ATP1A4: variants seen among roughly 807,000 people sequenced by gnomAD.
The protein encoded by ATP1A4 is ATPase Na+/K+ transporting subunit alpha 4.
A neutral mutation model predicts 114.3 loss-of-function variants in ATP1A4; 90 were observed. The observed-to-expected ratio is 0.79, with a 90% CI of 0.66 to 0.94. ATP1A4 has a LOEUF of 0.94. Among genes scored for constraint, ATP1A4 ranks in the 40% least tolerant of loss-of-function variants. ATP1A4 has a pLI of 0.00. For synonymous variants in ATP1A4, 511 were observed against 494.1 expected (o/e 1.03, Z -0.45); for missense variants, 1,222 against 1,313.6 (o/e 0.93, Z 1.08).
In ATP1A4 at chr1:160,164,326, C is replaced by T. The variant is rs1056488834; in HGVS notation, c.949C>T (p.Leu317Phe). 25 of 1,614,016 alleles carry T rather than the reference C, an allele frequency of 1.5e-5. No homozygotes were observed. The highest frequency in any genetic ancestry group is 4.0e-5 in the African/African-American group (3 of 74,902). ...AVFLGVTFFA[L>F]SLLLGYGWLE... The stretch of plus-strand genomic sequence containing the variant: ...CTTCCTTGGTGTCACTTTTTTTGCG[C>T]TCTCACTTCTCTTGGGCTATGGTTG... The change falls in exon 7 of 22, where the codon CTC becomes TTC. Residue 317 changes from leucine (L) to phenylalanine (F), a missense_variant. Physicochemically the swap from Leu to Phe is conservative, Grantham distance 22. Coordinates refer to ENST00000368081, the MANE Select transcript of ATP1A4 (RefSeq NM_144699.4).
rs138222002 is a variant in ATP1A4 at position 160,181,761 on chromosome 1, G to A, written c.2814G>A (p.Ala938=). The part of the protein sequence containing the change: ...FFVTIVVVQW[A]DLIISKTRRN... ...TCACCATCGTGGTTGTGCAGTGGGC[G>A]GATCTCATCATCTCCAAGACTCGCC... The change falls in exon 19 of 22, where the codon GCG becomes GCA. Residue 938 remains alanine (A), a synonymous_variant. Coordinates refer to ENST00000368081, the MANE Select transcript of ATP1A4 (RefSeq NM_144699.4). 62 of 1,613,828 alleles carry A rather than the reference G, an allele frequency of 3.8e-5. No homozygotes were observed. The highest frequency in any genetic ancestry group is 1.6e-4 in the Middle Eastern group (1 of 6,084).
chr1:160,168,183 T>C (rs183183991), intron 10 of ATP1A4, among the ~76,000 whole-genome samples: 2 of 152,208 alleles, frequency 1.3e-5, no homozygotes, highest in East Asian at 1.9e-4. Context: ...GAGAAGGTTA[T>C]GGTAGGATGC....
At chr1:160,174,809 A>G (rs1406789162) in intron 15 of ATP1A4, 62 bp downstream of exon 15, 6 of 1,598,868 alleles carry the variant, frequency 3.8e-6, no homozygotes, top group Admixed American at 1.7e-5. Context: ...GGGTTGGTGT[A>G]CATCCCCTCT....
chr1:160,173,532 C>T (rs375950584), intron 12 of ATP1A4, 49 bp from the exon 13 acceptor site: 10 of 1,596,022 alleles, frequency 6.3e-6, no homozygotes, highest in East Asian at 2.3e-5. Context: ...ATGAAGGATC[C>T]GGGCTCTGAA....
rs74123264 is a variant in ATP1A4 at position 160,159,205 on chromosome 1, G to A, written c.660+69G>A. The A allele has an allele frequency of 7.1e-3, 11,027 of 1,542,872 alleles. 668 individuals are homozygous for A. The African/African-American group carries it at 0.13, about 19-fold the overall frequency. On this transcript the variant is annotated intron_variant, in intron 5 of 21. Transcript: ENST00000368081. The stretch of plus-strand genomic sequence containing the variant: ...TCATGGCAGGGTAGACACCTGGGCC[G>A]TTAGAGAAAGTATAAGCTTATTACT...
intron 15 of ATP1A4, among the ~76,000 whole-genome samples, chr1:160,175,743 A>C (rs1324037527): frequency 6.6e-6 from 1 of 152,136 alleles, no homozygotes; most frequent in African/African-American, 2.4e-5. Context: ...GGATTTGAAC[A>C]CAAGCCTGTC....
At chr1:160,171,169 C>A in intron 10 of ATP1A4, 82 bp from the exon 11 acceptor site, 1 of 1,302,756 alleles carries the variant, frequency 7.7e-7, no homozygotes, top group Non-Finnish European at 1.1e-6. Context: ...CATTTTTTTA[C>A]CTTTGAAACC....
intron 5 of ATP1A4, 104 bp from the exon 6 acceptor site, chr1:160,159,305 G>A (rs1462691505): frequency 1.5e-6 from 2 of 1,352,304 alleles, no homozygotes; most frequent in African/African-American, 2.9e-5. Context: ...CTCTCAGTCT[G>A]TCAGTGATGA....
chr1:160,159,098 C>A lies in ATP1A4; in HGVS notation c.622C>A (p.Pro208Thr). 1 of 1,613,966 alleles carries A rather than the reference C, an allele frequency of 6.2e-7. No homozygotes were observed. The highest frequency in any genetic ancestry group is 8.5e-7 in the Non-Finnish European group (1 of 1,179,956). The change falls in exon 5 of 22, where the codon CCT becomes ACT. Residue 208 changes from proline (P) to threonine (T), a missense_variant. Physicochemically the swap from Pro to Thr is conservative, Grantham distance 38. Transcript: ENST00000368081. ...LVEIKGGDRVPADLRLISAQG... is the reference protein window; with the variant it reads ...LVEIKGGDRVTADLRLISAQG... ...GGAAATCAAGGGTGGAGACCGAGTC[C>A]CTGCTGACCTCCGGCTTATCTCTGC...
chr1:160,173,572 C>T lies in ATP1A4; in HGVS notation c.1855-9C>T, dbSNP rs1443472785. On this transcript the variant is annotated splice_polypyrimidine_tract_variant and intron_variant, in intron 12 of 21. Coordinates refer to ENST00000368081, the MANE Select transcript of ATP1A4 (RefSeq NM_144699.4). ...ATTCTGCTCCTCTTCCCTCTCCTTC[C>T]CAACCCAGGTGATCATGGTAACAGG... The T allele has an allele frequency of 6.2e-7, 1 of 1,612,578 alleles. No individual in the cohort carries two copies. The highest frequency in any genetic ancestry group is 1.1e-5 in the South Asian group (1 of 91,028).
intron 20 of ATP1A4, among the ~76,000 whole-genome samples, chr1:160,184,619 T>C (rs1653819276): frequency 6.6e-6 from 1 of 152,192 alleles, no homozygotes; most frequent in Admixed American, 6.5e-5. Flanking sequence ...TATATTGATA[T>C]CAGTTTTTGA....
At position 160,151,896 on chromosome 1, in the gene ATP1A4, C is replaced by A. The variant is rs1375468534; in HGVS notation, c.-145C>A. 2.3e-6 allele frequency: 2 copies of A among 882,174 alleles called. No homozygotes were observed. The highest frequency in any genetic ancestry group is 3.4e-6 in the Non-Finnish European group (2 of 596,332). 54.6% of individuals were successfully genotyped at this position (882,174 alleles called of 1,614,324 possible). On this transcript the variant is annotated 5_prime_UTR_variant, in exon 1 of 22. Coordinates refer to ENST00000368081, the MANE Select transcript of ATP1A4 (RefSeq NM_144699.4). ...TCACCACCCAACACCTCCCTCCCTG[C>A]CTCTTTCTTTCTGCTCCCTCATTCT...
intron 1 of ATP1A4, 60 bp from the exon 2 acceptor site, chr1:160,153,105 C>T (rs1199546237): frequency 3.7e-6 from 5 of 1,365,436 alleles, no homozygotes; most frequent in South Asian, 1.2e-5. Flanking sequence ...GTTTCTCCCC[C>T]TCTCCCTGGA....
chr1:160,158,445 C>T (rs570125341), intron 4 of ATP1A4, among the ~76,000 whole-genome samples: 15 of 152,202 alleles, frequency 9.9e-5, no homozygotes, highest in East Asian at 5.8e-4. Context: ...GATGTGATCA[C>T]GGCTCACTGC....
chr1:160,186,376 C>A lies in ATP1A4; in HGVS notation c.3061+9C>A, dbSNP rs780584289. On this transcript the variant is annotated intron_variant, in intron 21 of 21. Coordinates refer to ENST00000368081, the MANE Select transcript of ATP1A4 (RefSeq NM_144699.4). ...CCGTCAGCACCCGGATGGTGAGGCTCCCCTGGGCCCCGCTCTGACTGAGTG... is the reference window on the plus strand; with the variant it reads ...CCGTCAGCACCCGGATGGTGAGGCTACCCTGGGCCCCGCTCTGACTGAGTG... 2.5e-6 allele frequency: 4 copies of A among 1,602,264 alleles called. No homozygotes were observed. The Admixed American group carries it at 5.0e-5, about 20-fold the overall frequency.
rs770239430 is a variant in ATP1A4, at chr1:160,177,472, C to T, written c.2591-47C>T. Reference sequence around the variant, plus strand: ...CCTCCCCTGGCCTACCTTTTGGGGCCCTTCTCTGAACCAGGCTCCCCTGTC... The same window carrying T: ...CCTCCCCTGGCCTACCTTTTGGGGCTCTTCTCTGAACCAGGCTCCCCTGTC... On this transcript the variant is annotated intron_variant, in intron 17 of 21. Transcript: ENST00000368081. The T allele has an allele frequency of 1.9e-5, 30 of 1,603,052 alleles. 1 individual carries two copies. In the South Asian group the frequency reaches 3.2e-4, roughly 17 times the overall value.
chr1:160,159,625 C>T, intron 6 of ATP1A4, 99 bp downstream of exon 6: 1 of 1,090,130 alleles, frequency 9.2e-7, no homozygotes, highest in Non-Finnish European at 1.3e-6. Flanking sequence ...AGGTAAGAGC[C>T]AGTAAAAAGT....
chr1:160,185,543 T>C (rs994236149), intron 20 of ATP1A4, among the ~76,000 whole-genome samples: 3 of 152,054 alleles, frequency 2.0e-5, no homozygotes, highest in African/African-American at 7.2e-5. Flanking sequence ...CCTAGCACTT[T>C]GGGAGGCTGA....
rs574435756 is a variant in ATP1A4 at position 160,154,969 on chromosome 1, A to G, written c.208-76A>G. ...TCTCTAGACCCATTCTGGGGCTCCAAATGTCAGGTTCCCTTTTGCTATGGC... is the reference window on the plus strand; with the variant it reads ...TCTCTAGACCCATTCTGGGGCTCCAGATGTCAGGTTCCCTTTTGCTATGGC... On this transcript the variant is annotated intron_variant, in intron 2 of 21. Transcript: ENST00000368081. The G allele has an allele frequency of 1.2e-4, 163 of 1,414,194 alleles. 3 individuals are homozygous for G. In the South Asian group the frequency reaches 1.8e-3, roughly 16 times the overall value. 87.6% of individuals were successfully genotyped at this position (1,414,194 alleles called of 1,614,324 possible).
Sources: gnomAD v4.1 joint callset for allele counts (sites outside exome capture counted in the v4.1 genomes callset) on GRCh38, gnomAD v4.1.1 for gene constraint, MANE v1.5 for transcripts, NCBI Gene and HGNC (gene_info 2026-07-23, HGNC 2026-07-21) for gene names.